CDH24: variants seen among roughly 807,000 people sequenced by gnomAD.
CDH24 encodes cadherin 24, also known as cadherin-24.
A neutral mutation model predicts 71.2 loss-of-function variants in CDH24; 61 were observed. The observed-to-expected ratio is 0.86, with a 90% CI of 0.70 to 1.06. The LOEUF (loss-of-function observed/expected upper bound fraction) is 1.06. Ranked by LOEUF, CDH24 falls within the 50% of genes least tolerant of loss-of-function variation. CDH24 has a pLI of 0.00. For synonymous variants in CDH24, 440 were observed against 470.2 expected (o/e 0.94, Z 0.83); for missense variants, 961 against 1,083.7 (o/e 0.89, Z 1.59).
In CDH24 at chr14:23,047,946, C is replaced by T. The variant is rs1001095751; in HGVS notation, c.*34G>A. On this transcript the variant is annotated 3_prime_UTR_variant, in exon 12 of 13. Transcript: ENST00000487137. ...ACTCAGAGGGCCTGTGCCCGCTGCC[C>T]CCCCCCCGCGGTGGGCCGGGCCAGC... The T allele has an allele frequency of 3.1e-6, 4 of 1,287,688 alleles. No individual in the cohort carries two copies. The highest frequency in any genetic ancestry group is 1.6e-5 in the African/African-American group (1 of 63,890). 79.8% of individuals were successfully genotyped at this position (1,287,688 alleles called of 1,614,324 possible).
rs377668553 is a variant in CDH24 at position 23,049,199 on chromosome 14, C to A, written c.1674G>T (p.Leu558=). The change falls in exon 11 of 13, where the codon CTG becomes CTT. Residue 558 remains leucine, a synonymous_variant. Coordinates refer to ENST00000487137, the MANE Select transcript of CDH24 (RefSeq NM_144985.4). ...TCAGCGCCGGCTGCCCCCAGTCCCACAGTTCTATGGGAACCAAGTAGGGGG... is the reference window on the plus strand; with the variant it reads ...TCAGCGCCGGCTGCCCCCAGTCCCAAAGTTCTATGGGAACCAAGTAGGGGG... ...RHAPYLVPIE[L]WDWGQPALSS... is the part of the protein sequence containing the mutation. 6.9e-5 allele frequency: 108 copies of A among 1,575,740 alleles called. 1 individual carries two copies. The Middle Eastern group carries it at 1.5e-3, about 22-fold the overall frequency.
At position 23,052,120 on chromosome 14, in the gene CDH24, A is replaced by G. The variant is rs1283978614; in HGVS notation, c.1363+353T>C. The stretch of plus-strand genomic sequence containing the variant: ...AGTGGGCAGGATGGGGTCTGTCAGT[A>G]CACAGGTTGGGGGCTATGTAAGGTC... On this transcript the variant is annotated intron_variant, in intron 8 of 12. Transcript: ENST00000487137. 16 of 1,186,614 alleles carry G rather than the reference A, an allele frequency of 1.3e-5. No homozygotes were observed. In the East Asian group the frequency reaches 4.1e-4, roughly 30 times the overall value. The allele number at this position is 1,186,614 out of a possible 1,614,324, so 73.5% of individuals were successfully genotyped here. A position where few individuals can be genotyped will look rare whatever the true frequency, so the allele number is the denominator to read the frequency against.
intron 1 of CDH24, among the ~76,000 whole-genome samples, chr14:23,056,164 G>A (rs1416353119): frequency 2.0e-5 from 3 of 152,242 alleles, no homozygotes; most frequent in Admixed American, 6.5e-5. Context: ...GGTTGGGCAC[G>A]TAGCCAGGTA....
chr14:23,048,026 C>T lies in CDH24; in HGVS notation c.2300G>A (p.Arg767His), dbSNP rs1272413039. 2 of 1,446,696 alleles carry T rather than the reference C, an allele frequency of 1.4e-6. No individual in the cohort carries two copies. The highest frequency in any genetic ancestry group is 9.0e-7 in the Non-Finnish European group (1 of 1,105,058). The allele number at this position is 1,446,696 out of a possible 1,614,324, so 89.6% of individuals were successfully genotyped here. ...GGCCCCATACAGCTCGGCCAGGGTG[C>T]GGAAGAGCGGACCCCAGTCGTCCAG... is the stretch of plus-strand genomic sequence containing the variant. ...EPLDDWGPLF[R>H]TLAELYGAKE... Residue 767 changes from arginine to histidine, a missense_variant, in exon 12 of 13, where the codon CGC becomes CAC. Transcript: ENST00000487137.
chr14:23,049,883 T>A lies in CDH24; in HGVS notation c.1424A>T (p.Asn475Ile). The A allele has an allele frequency of 6.2e-7, 1 of 1,613,926 alleles. No homozygotes were observed. Among genetic ancestry groups the A allele is most frequent in the Non-Finnish European group, 8.5e-7 (1 of 1,179,972 alleles). Residue 475 changes from asparagine (N) to isoleucine (I), a missense_variant, in exon 9 of 13, where the codon AAT becomes ATT. By Grantham distance (149) the Asn-to-Ile change is moderately radical (BLOSUM62 -3). Around this residue, in one of 2 missense-constraint regions of CDH24, gnomAD observed 671 missense variants for 810.9 expected, o/e 0.83. Transcript: ENST00000487137. ...GTAGGGCTCAGCCAGCTGGGGAGCATTGTCATTCTCATCCAGGGTCTGGAT... is the reference window on the plus strand; with the variant it reads ...GTAGGGCTCAGCCAGCTGGGGAGCAATGTCATTCTCATCCAGGGTCTGGAT... Reference protein sequence around the residue: ...VAIQTLDENDNAPQLAEPYDT... With the variant: ...VAIQTLDENDIAPQLAEPYDT...
chr14:23,052,544 A>T lies in CDH24; in HGVS notation c.1292T>A (p.Ile431Asn). 1 of 1,613,974 alleles carries T rather than the reference A, an allele frequency of 6.2e-7. No homozygotes were observed. The highest frequency in any genetic ancestry group is 8.5e-7 in the Non-Finnish European group (1 of 1,179,962). The change falls in exon 8 of 13, where the codon ATC becomes AAC. Residue 431 changes from isoleucine to asparagine, a missense_variant. Ile to Asn is a moderately radical substitution (Grantham distance 149). Coordinates refer to ENST00000487137, the MANE Select transcript of CDH24 (RefSeq NM_144985.4). Reference sequence around the variant, plus strand: ...GCGATCCAGGGGTGCTGCTGTATGGATGGTGCCTTCCTCGGGCTGGATAGA... The same window carrying T: ...GCGATCCAGGGGTGCTGCTGTATGGTTGGTGCCTTCCTCGGGCTGGATAGA... Reference protein sequence around the residue: ...CFSIQPEEGTIHTAAPLDREA... With the variant: ...CFSIQPEEGTNHTAAPLDREA...
chr14:23,047,966 G>A lies in CDH24; in HGVS notation c.*14C>T. Reference sequence around the variant, plus strand: ...CTGCCCCCCCCCCGCGGTGGGCCGGGCCAGCCCGGGCGCTCAGGGGGCCGG... The same window carrying A: ...CTGCCCCCCCCCCGCGGTGGGCCGGACCAGCCCGGGCGCTCAGGGGGCCGG... On this transcript the variant is annotated 3_prime_UTR_variant, in exon 12 of 13. Coordinates refer to ENST00000487137, the MANE Select transcript of CDH24 (RefSeq NM_144985.4). 4 of 1,317,484 alleles carry A rather than the reference G, an allele frequency of 3.0e-6. No individual in the cohort carries two copies. The highest frequency in any genetic ancestry group is 3.8e-6 in the Non-Finnish European group (4 of 1,038,992). 81.6% of individuals were successfully genotyped at this position (1,317,484 alleles called of 1,614,324 possible). A position where few individuals can be genotyped will look rare whatever the true frequency, so the allele number is the denominator to read the frequency against.
rs1373210386 is a variant in CDH24 at position 23,047,896 on chromosome 14, C to T, written c.*84G>A. On this transcript the variant is annotated 3_prime_UTR_variant, in exon 12 of 13. Coordinates refer to ENST00000487137, the MANE Select transcript of CDH24 (RefSeq NM_144985.4). ...AGGCCTGGGGCCCCTGGGCTGCTGC[C>T]GCCCGCCTGGACCCCGTGGGGCTCA... 9.0e-6 allele frequency: 10 copies of T among 1,107,912 alleles called. No homozygotes were observed. Among genetic ancestry groups the T allele is most frequent in the African/African-American group, 4.9e-5 (3 of 60,894 alleles). The allele number at this position is 1,107,912 out of a possible 1,614,324, so 68.6% of individuals were successfully genotyped here. A position where few individuals can be genotyped will look rare whatever the true frequency, so the allele number is the denominator to read the frequency against.
Position 23,054,749 on chromosome 14 carries a change from G to T in CDH24, c.614C>A (p.Thr205Asn), listed in dbSNP as rs1357910985. The T allele has an allele frequency of 6.2e-7, 1 of 1,614,180 alleles. No homozygotes were observed. The highest frequency in any genetic ancestry group is 1.1e-5 in the South Asian group (1 of 91,082). ...GGGCTCCCAGGCTCCATCCTCACCA[G>T]TCTGGGGGTCCACAGAGAAGAAAGG... ...GLPFFSVDPQ[T>N]GVVRTAIPNM... The change falls in exon 4 of 13, where the codon ACT (threonine) becomes AAT (asparagine). Residue 205 changes from threonine to asparagine, a missense_variant and splice_region_variant. Thr to Asn is a moderately conservative substitution (Grantham distance 65). Coordinates refer to ENST00000487137, the MANE Select transcript of CDH24 (RefSeq NM_144985.4). The surrounding 1 kb of genome is among the most constrained non-coding windows in gnomAD (Gnocchi z 5.2).
rs775866739 is a variant in CDH24, at chr14:23,054,378, C to T, written c.785-50G>A. On this transcript the variant is annotated intron_variant, in intron 5 of 12. Coordinates refer to ENST00000487137, the MANE Select transcript of CDH24 (RefSeq NM_144985.4). This position sits in a 1 kb window ranked among gnomAD's most constrained non-coding sequence, Gnocchi z 5.2. ...CTTCTCAGAGAGGTCCCCAGCCCTC[C>T]TCCCTCCCCACAGCACTTTATTCTC... 2.6e-6 allele frequency: 4 copies of T among 1,543,898 alleles called. No individual in the cohort carries two copies. The South Asian group carries it at 5.0e-5, about 19-fold the overall frequency.
rs150669817 is a variant in CDH24 at position 23,048,867 on chromosome 14, GC to G, written c.1846+159del. Among the ~76,000 whole-genome samples, 711 of 152,314 alleles carry G rather than the reference GC, an allele frequency of 4.7e-3. 5 individuals are homozygous for G. The highest frequency in any genetic ancestry group is 0.016 in the African/African-American group (685 of 41,556). ...ATGGATTGGCAGGTCACGGATAGAG[GC>G]CAGAGCTTTTCTCTTGGATGCATCA... On this transcript the variant is annotated intron_variant, in intron 11 of 12. Transcript: ENST00000487137.
At chr14:23,056,603 G>C (rs1011183160) in intron 1 of CDH24, among the ~76,000 whole-genome samples, 3 of 152,238 alleles carry the variant, frequency 2.0e-5, no homozygotes, top group African/African-American at 7.2e-5. Context: ...AGAGAGACCA[G>C]GGCAGCAGCC....
rs1233851669 is a variant in CDH24 at position 23,051,518 on chromosome 14, T to C, written c.1363+955A>G. Among the ~76,000 whole-genome samples, 1 of 152,230 alleles carries C rather than the reference T, an allele frequency of 6.6e-6. No homozygotes were observed. Among genetic ancestry groups the C allele is most frequent in the South Asian group, 2.1e-4 (1 of 4,838 alleles). On this transcript the variant is annotated intron_variant, in intron 8 of 12. Coordinates refer to ENST00000487137, the MANE Select transcript of CDH24 (RefSeq NM_144985.4). The surrounding 1 kb of genome is among the most constrained non-coding windows in gnomAD (Gnocchi z 4.4). ...ACACATACAAACAGCTACATGTGCA[T>C]ACCACTGTATATATCAATCACACAT... is the stretch of plus-strand genomic sequence containing the variant.
intron 8 of CDH24, chr14:23,050,176 T>C (rs1566722275): frequency 6.1e-6 from 3 of 492,752 alleles, no homozygotes; most frequent in Non-Finnish European, 1.1e-5. Flanking sequence ...CAATAGACAT[T>C]CAACAGGAAT....
chr14:23,048,331 C>T lies in CDH24; in HGVS notation c.1995G>A (p.Leu665=). ...EDTEAFDITA[L]QNPDGAAPPA... is the part of the protein sequence containing the mutation. ...GGGGGGCCGCCCCGTCCGGGTTCTGCAAGGCCGTGATGTCGAAGGCCTCGG... is the reference window on the plus strand; with the variant it reads ...GGGGGGCCGCCCCGTCCGGGTTCTGTAAGGCCGTGATGTCGAAGGCCTCGG... The change falls in exon 12 of 13, where the codon TTG becomes TTA. Residue 665 remains leucine, a synonymous_variant. Transcript: ENST00000487137. The T allele has an allele frequency of 6.2e-7, 1 of 1,610,792 alleles. No homozygotes were observed. The highest frequency in any genetic ancestry group is 8.5e-7 in the Non-Finnish European group (1 of 1,179,104).
chr14:23,055,713 G>C lies in CDH24; in HGVS notation c.21C>G (p.Leu7=), dbSNP rs1201779381. ...CCCAGCCACCCAGCCAGGCCAGCAGGAGCCTCACCAGGCCCCACATGTTTG... is the reference window on the plus strand; with the variant it reads ...CCCAGCCACCCAGCCAGGCCAGCAGCAGCCTCACCAGGCCCCACATGTTTG... The part of the protein sequence containing the change: MWGLVR[L]LLAWLGGWGC... Residue 7 remains leucine (L), a synonymous_variant, in exon 2 of 13, where the codon CTC becomes CTG. Transcript: ENST00000487137. The surrounding 1 kb of genome is among the most constrained non-coding windows in gnomAD (Gnocchi z 4.1). 6.3e-7 allele frequency: 1 copy of C among 1,592,804 alleles called. No homozygotes were observed. Among genetic ancestry groups the C allele is most frequent in the Admixed American group, 1.9e-5 (1 of 53,980 alleles).
In CDH24 at chr14:23,047,900, C is replaced by G. The variant is rs1039716201; in HGVS notation, c.*80G>C. The stretch of plus-strand genomic sequence containing the variant: ...CTGGGGCCCCTGGGCTGCTGCCGCC[C>G]GCCTGGACCCCGTGGGGCTCACTCA... On this transcript the variant is annotated 3_prime_UTR_variant, in exon 12 of 13. Coordinates refer to ENST00000487137, the MANE Select transcript of CDH24 (RefSeq NM_144985.4). 1.8e-6 allele frequency: 2 copies of G among 1,136,884 alleles called. No homozygotes were observed. Among genetic ancestry groups the G allele is most frequent in the East Asian group, 3.5e-5 (1 of 28,786 alleles). The allele number at this position is 1,136,884 out of a possible 1,614,324, so 70.4% of individuals were successfully genotyped here. A position where few individuals can be genotyped will look rare whatever the true frequency, so the allele number is the denominator to read the frequency against.
Position 23,050,056 on chromosome 14 carries a change from A to G in CDH24, c.1364-113T>C, listed in dbSNP as rs563300475. ...ATGAAGCATATAGCATGCACAAGAA[A>G]CACATGAAATATGCATGTAATGTAC... On this transcript the variant is annotated intron_variant, in intron 8 of 12. Transcript: ENST00000487137. 24 of 1,424,166 alleles carry G rather than the reference A, an allele frequency of 1.7e-5. No individual in the cohort carries two copies. In the African/African-American group the frequency reaches 3.2e-4, roughly 19 times the overall value. The allele number at this position is 1,424,166 out of a possible 1,614,324, so 88.2% of individuals were successfully genotyped here.
intron 8 of CDH24, chr14:23,052,264 C>T: frequency 1.4e-6 from 1 of 729,070 alleles, no homozygotes; most frequent in Non-Finnish European, 2.4e-6. Context: ...GACCAGGAGG[C>T]CCGCCCTGCC....
Sources: gnomAD v4.1 joint callset for allele counts (sites outside exome capture counted in the v4.1 genomes callset) on GRCh38, gnomAD v4.1.1 for gene constraint, gnomAD v4.1.1 regional missense constraint, Gnocchi (gnomAD v3.1) non-coding constraint, MANE v1.5 for transcripts, NCBI Gene and HGNC (gene_info 2026-07-23, HGNC 2026-07-21) for gene names.